TENM4: variants seen among roughly 807,000 people sequenced by gnomAD.
The protein encoded by TENM4 is teneurin transmembrane protein 4.
A neutral mutation model predicts 243.3 loss-of-function variants in TENM4; 82 were observed. That is an observed-to-expected ratio of 0.34 (90% CI 0.28 to 0.40). TENM4 has a LOEUF of 0.40. TENM4 is among the 10% of genes least tolerant of loss of function. The pLI is 1.00. For missense variants in TENM4, 3,138 were observed against 3,673.3 expected (o/e 0.85, Z 3.77); for synonymous variants, 1,412 against 1,456.3 (o/e 0.97, Z 0.69).
At chr11:79,028,491 G>A (rs1227618874) in intron 6 of TENM4, among the ~76,000 whole-genome samples, 3 of 152,224 alleles carry the variant, frequency 2.0e-5, no homozygotes, top group Non-Finnish European at 4.4e-5. Flanking sequence ...CAAGAGCTCT[G>A]GAGCTGGGCT....
intron 1 of TENM4, among the ~76,000 whole-genome samples, chr11:79,378,161 G>A (rs1255858508): frequency 1.6e-4 from 25 of 152,226 alleles, no homozygotes; most frequent in Admixed American, 1.6e-3. Context: ...AAAGGCAACA[G>A]CTTCTCCCCA....
At chr11:79,033,458 G>A (rs915057578) in intron 6 of TENM4, among the ~76,000 whole-genome samples, 1 of 152,176 alleles carries the variant, frequency 6.6e-6, no homozygotes, top group Non-Finnish European at 1.5e-5. Flanking sequence ...CACTCACAGG[G>A]TTAGTCCTCC....
intron 1 of TENM4, among the ~76,000 whole-genome samples, chr11:79,338,654 A>G (rs1857192182): frequency 6.6e-6 from 1 of 152,218 alleles, no homozygotes; most frequent in African/African-American, 2.4e-5. Context: ...TAAATAGAGT[A>G]TGGAATGAAA....
intron 7 of TENM4, among the ~76,000 whole-genome samples, chr11:78,898,595 T>A (rs754019213): frequency 7.2e-5 from 11 of 152,182 alleles, no homozygotes; most frequent in Non-Finnish European, 1.5e-4. Context: ...GGGAGACTCC[T>A]GCTTGCTCTT....
At chr11:79,164,501 T>C (rs1862860519) in intron 3 of TENM4, among the ~76,000 whole-genome samples, 1 of 125,102 alleles carries the variant, frequency 8.0e-6, no homozygotes, top group African/African-American at 3.2e-5. Context: ...ATAGTGTATA[T>C]ATATACACTA....
intron 6 of TENM4, among the ~76,000 whole-genome samples, chr11:78,923,360 T>C (rs765897959): frequency 3.3e-5 from 5 of 151,922 alleles, no homozygotes; most frequent in Non-Finnish European, 7.4e-5. Flanking sequence ...TTCCCTTGAG[T>C]AACAACAGTG....
At chr11:79,178,358 T>C (rs1387591783) in intron 3 of TENM4, among the ~76,000 whole-genome samples, 3 of 152,070 alleles carry the variant, frequency 2.0e-5, no homozygotes, top group Non-Finnish European at 2.9e-5. Context: ...CATCGATAGA[T>C]AGATGGGTTT....
intron 1 of TENM4, among the ~76,000 whole-genome samples, chr11:79,429,426 G>A (rs1050653314): frequency 7.9e-5 from 12 of 152,292 alleles, no homozygotes; most frequent in Admixed American, 7.8e-4. Flanking sequence ...GAGAGGTGGG[G>A]AGATAGTGGG....
intron 4 of TENM4, among the ~76,000 whole-genome samples, 166 bp from the exon 5 acceptor site, chr11:79,070,175 G>A (rs777943102): frequency 2.0e-5 from 3 of 152,186 alleles, no homozygotes; most frequent in Non-Finnish European, 2.9e-5. Context: ...AAGGAAAGTC[G>A]CACCCAGGAC....
intron 3 of TENM4, among the ~76,000 whole-genome samples, chr11:79,171,509 C>T (rs943768834): frequency 8.5e-5 from 13 of 152,096 alleles, no homozygotes; most frequent in East Asian, 1.9e-4. Context: ...AACGATTAAC[C>T]GTTGGGTTCC....
At chr11:78,826,071 CCCT>C (rs1456645215) in intron 12 of TENM4, among the ~76,000 whole-genome samples, 2 of 149,712 alleles carry the variant, frequency 1.3e-5, no homozygotes, top group Admixed American at 6.6e-5. Flanking sequence ...AACCAAATCC[CCCT>C]CCTTTTTTTT....
At chr11:79,266,040 T>C (rs1002644444) in intron 2 of TENM4, among the ~76,000 whole-genome samples, 8 of 152,162 alleles carry the variant, frequency 5.3e-5, no homozygotes, top group African/African-American at 1.9e-4. Context: ...TAAGTAGCAC[T>C]CCCACTTGCC....
At chr11:79,374,861 C>A (rs1403631159) in intron 1 of TENM4, among the ~76,000 whole-genome samples, 1 of 152,082 alleles carries the variant, frequency 6.6e-6, no homozygotes, top group Non-Finnish European at 1.5e-5. Flanking sequence ...CGGTTGCAAG[C>A]CGGGGGTAAT....
At chr11:78,980,513 C>T (rs1397200655) in intron 6 of TENM4, among the ~76,000 whole-genome samples, 3 of 152,106 alleles carry the variant, frequency 2.0e-5, no homozygotes, top group Non-Finnish European at 2.9e-5. Flanking sequence ...GAAGTTGAGG[C>T]CTGGAAGGTG....
rs1859106961 is a variant in TENM4 at position 78,701,666 on chromosome 11, C to T, written c.4947G>A (p.Val1649=). The T allele has an allele frequency of 1.2e-6, 2 of 1,613,858 alleles. No homozygotes were observed. The highest frequency in any genetic ancestry group is 1.3e-5 in the African/African-American group (1 of 74,918). The part of the protein sequence containing the change: ...PLWLVVPDGQ[V]YWVTMGTNSA... ...TGTTGGTGCCCATGGTCACCCAGTA[C>T]ACCTGGCCATCTGGGACCACCAGCC... The change falls in exon 28 of 34, where the codon GTG becomes GTA. Residue 1649 remains valine, a synonymous_variant. Coordinates refer to ENST00000278550, the MANE Select transcript of TENM4 (RefSeq NM_001098816.3).
intron 14 of TENM4, among the ~76,000 whole-genome samples, chr11:78,810,095 A>G (rs1266995408): frequency 6.6e-6 from 1 of 152,214 alleles, no homozygotes; most frequent in Non-Finnish European, 1.5e-5. Flanking sequence ...CTGATGTTTT[A>G]TAAACACAGT....
At chr11:78,981,924 TG>T (rs1462205776) in intron 6 of TENM4, among the ~76,000 whole-genome samples, 48 of 152,186 alleles carry the variant, frequency 3.2e-4, no homozygotes, top group African/African-American at 1.1e-3. Flanking sequence ...CTCAGTTTTT[TG>T]GTTCCCTCTC....
Position 78,676,353 on chromosome 11 carries a change from A to G in TENM4, c.5295T>C (p.Asp1765=), listed in dbSNP as rs1858476627. Residue 1765 remains aspartate, a synonymous_variant, in exon 30 of 34, where the codon GAT becomes GAC. Coordinates refer to ENST00000278550, the MANE Select transcript of TENM4 (RefSeq NM_001098816.3). The stretch of plus-strand genomic sequence containing the variant: ...TGGCCAGCAGCAGCCGCAAGGAGCC[A>G]TCGGCCCCGATGTAGTAGCTGTTCC... The part of the protein sequence containing the change: ...QVRNSYYIGA[D]GSLRLLLANG... The G allele has an allele frequency of 1.2e-6, 2 of 1,607,726 alleles. No individual in the cohort carries two copies. Among genetic ancestry groups the G allele is most frequent in the Non-Finnish European group, 1.7e-6 (2 of 1,174,868 alleles).
rs1039746368 is a variant in TENM4, at chr11:78,657,331, T to C, written c.*727A>G. 2.5e-6 allele frequency: 1 copy of C among 397,780 alleles called. No individual in the cohort carries two copies. Among genetic ancestry groups the C allele is most frequent in the East Asian group, 3.6e-5 (1 of 28,054 alleles). 24.6% of individuals were successfully genotyped at this position (397,780 alleles called of 1,614,324 possible). On this transcript the variant is annotated 3_prime_UTR_variant, in exon 34 of 34. Coordinates refer to ENST00000278550, the MANE Select transcript of TENM4 (RefSeq NM_001098816.3). ...GGGAGACACTTTCTCTATCCCAGCATGGGGGTGGCACCGACAACTACACAG... is the reference window on the plus strand; with the variant it reads ...GGGAGACACTTTCTCTATCCCAGCACGGGGGTGGCACCGACAACTACACAG...
Sources: allele counts gnomAD v4.1 joint callset (sites outside exome capture counted in the v4.1 genomes callset), GRCh38; gene constraint gnomAD v4.1.1; transcripts MANE v1.5; gene names NCBI Gene and HGNC (gene_info 2026-07-23, HGNC 2026-07-21).